The following TMEM74 variants were observed in gnomAD, a reference collection of about 807,000 sequenced individuals.
TMEM74 encodes transmembrane protein 74.
TMEM74 carries 13 observed loss-of-function variants against 18.1 expected under a neutral mutation model. The ratio of observed to expected loss-of-function variants is 0.72; its 90% CI spans 0.47 to 1.14. TMEM74 has a LOEUF of 1.14. TMEM74 is among the 50% of genes most tolerant of loss of function. TMEM74 has a pLI of 0.00. For synonymous variants in TMEM74, 159 were observed against 146.6 expected (o/e 1.08, Z -0.61); for missense variants, 372 against 375.9 (o/e 0.99, Z 0.09).
At chr8:108,609,323 T>C (rs1812310545) in intron 2 of TMEM74, among the ~76,000 whole-genome samples, 1 of 152,172 alleles carries the variant, frequency 6.6e-6, no homozygotes, top group Non-Finnish European at 1.5e-5. Flanking sequence ...TTACCTTGTT[T>C]AAGTTTAACG....
chr8:108,657,855 AAAAAATAT>A (rs1411000710), intron 1 of TMEM74, among the ~76,000 whole-genome samples: 7 of 60,126 alleles, frequency 1.2e-4, no homozygotes, highest in African/African-American at 1.6e-4. Flanking sequence ...AAAAAAAAAA[AAAAAATAT>A]ATATATATAT....
intron 1 of TMEM74, among the ~76,000 whole-genome samples, chr8:108,684,594 G>A (rs1813149134): frequency 6.6e-6 from 1 of 151,332 alleles, no homozygotes; most frequent in Non-Finnish European, 1.5e-5. Flanking sequence ...AATCCCATTT[G>A]TTTATTTTTG....
At chr8:108,644,450 T>C (rs984605207) in intron 2 of TMEM74, among the ~76,000 whole-genome samples, 6 of 152,282 alleles carry the variant, frequency 3.9e-5, no homozygotes, top group Admixed American at 3.9e-4. Flanking sequence ...GGCACAGAAC[T>C]GATGGCTAAG....
intron 1 of TMEM74, among the ~76,000 whole-genome samples, chr8:108,771,840 G>A (rs1814176520): frequency 6.6e-6 from 1 of 151,918 alleles, no homozygotes; most frequent in African/African-American, 2.4e-5. Flanking sequence ...AGGATGCTGG[G>A]AGAAAGGATA....
At chr8:108,761,869 C>G (rs570194220) in intron 1 of TMEM74, among the ~76,000 whole-genome samples, 2 of 152,206 alleles carry the variant, frequency 1.3e-5, no homozygotes, top group African/African-American at 4.8e-5. Flanking sequence ...ATTCGTCAAA[C>G]ACTGTGATTT....
intron 2 of TMEM74, among the ~76,000 whole-genome samples, chr8:108,619,406 T>C (rs1219735761): frequency 6.6e-6 from 1 of 152,158 alleles, no homozygotes; most frequent in Non-Finnish European, 1.5e-5. Context: ...AGGTGTTGCT[T>C]CGGTTGTGTG....
At chr8:108,613,987 A>G (rs1812359667) in intron 2 of TMEM74, among the ~76,000 whole-genome samples, 1 of 151,456 alleles carries the variant, frequency 6.6e-6, no homozygotes, top group Admixed American at 6.6e-5. Context: ...AACCTGACAC[A>G]TAATACTCAA....
chr8:108,623,950 G>A (rs566883070), intron 2 of TMEM74, among the ~76,000 whole-genome samples: 10 of 152,156 alleles, frequency 6.6e-5, no homozygotes, highest in African/African-American at 2.4e-4. Flanking sequence ...TTGAGAAACT[G>A]TGTCTAATCT....
intron 1 of TMEM74, among the ~76,000 whole-genome samples, chr8:108,724,021 C>T (rs998367888): frequency 6.6e-6 from 1 of 152,106 alleles, no homozygotes; most frequent in Non-Finnish European, 1.5e-5. Context: ...TGAGTTTGAG[C>T]CCCACAGTCC....
At chr8:108,703,690 T>G (rs1813361384) in intron 1 of TMEM74, among the ~76,000 whole-genome samples, 1 of 152,218 alleles carries the variant, frequency 6.6e-6, no homozygotes, top group East Asian at 1.9e-4. Context: ...ATCATTCATT[T>G]ATTGAGCACC....
chr8:108,779,389 T>A lies in TMEM74; in HGVS notation c.*4792A>T, dbSNP rs1814275369. Among the ~76,000 whole-genome samples, 1 of 152,144 alleles carries A rather than the reference T, an allele frequency of 6.6e-6. No homozygotes were observed. Among genetic ancestry groups the A allele is most frequent in the South Asian group, 2.1e-4 (1 of 4,818 alleles). On this transcript the variant is annotated 3_prime_UTR_variant, in exon 2 of 2. Coordinates refer to ENST00000297459, the MANE Select transcript of TMEM74 (RefSeq NM_153015.3). ...ATGGCAGTGAAAAAATAGGGAGAGC[T>A]GTTCCTGAAACACAGGAGAGTTACC...
At chr8:108,611,810 G>A (rs1055617174) in intron 2 of TMEM74, among the ~76,000 whole-genome samples, 2 of 152,020 alleles carry the variant, frequency 1.3e-5, no homozygotes, top group African/African-American at 4.8e-5. Context: ...TATTTTTTAA[G>A]GCACTGTATT....
At chr8:108,732,789 ATATATATG>A (rs1391321208) in intron 1 of TMEM74, among the ~76,000 whole-genome samples, 1 of 150,698 alleles carries the variant, frequency 6.6e-6, no homozygotes, top group African/African-American at 2.4e-5. Flanking sequence ...TCAAATATAT[ATATATATG>A]TATATATATG....
At chr8:108,646,353 T>G (rs1256413734) in intron 2 of TMEM74, among the ~76,000 whole-genome samples, 1 of 152,116 alleles carries the variant, frequency 6.6e-6, no homozygotes, top group Non-Finnish European at 1.5e-5. Context: ...GCTAAATGTT[T>G]TGTGCCAAGT....
intron 2 of TMEM74, among the ~76,000 whole-genome samples, chr8:108,642,088 A>T (rs1812670594): frequency 6.8e-6 from 1 of 148,114 alleles, no homozygotes; most frequent in Admixed American, 6.8e-5. Context: ...AGAAATACAA[A>T]AACAGATTTA....
At position 108,661,897 on chromosome 8, in the gene TMEM74, A is replaced by G. The variant is rs1812903677; in HGVS notation, n.120-6460T>C. On this transcript the variant is annotated intron_variant and non_coding_transcript_variant, in intron 1 of 3. Coordinates refer to the TMEM74 transcript ENST00000518838. ...AATTGCAAGAAATTCTCTATTCCTT[A>G]TAAGGAGAGTGAAAGGAAGGAAATA... Among the ~76,000 whole-genome samples the G allele has an allele frequency of 3.9e-5, 6 of 152,284 alleles. 1 individual carries two copies. The South Asian group carries it at 1.2e-3, about 32-fold the overall frequency.
At chr8:108,755,001 C>T (rs1350786411) in intron 1 of TMEM74, among the ~76,000 whole-genome samples, 1 of 152,052 alleles carries the variant, frequency 6.6e-6, no homozygotes, top group Admixed American at 6.6e-5. Context: ...TCTCAGTCCA[C>T]TGATTCAAAT....
chr8:108,666,181 GTGAT>G (rs1812947712), intron 1 of TMEM74, among the ~76,000 whole-genome samples: 1 of 152,202 alleles, frequency 6.6e-6, no homozygotes, highest in Admixed American at 6.5e-5. Flanking sequence ...AGAGAGCCTG[GTGAT>G]ATAGTCTTCC....
chr8:108,647,874 A>T (rs1040002715), intron 2 of TMEM74, among the ~76,000 whole-genome samples: 3 of 152,110 alleles, frequency 2.0e-5, no homozygotes, highest in Non-Finnish European at 4.4e-5. Flanking sequence ...AAGCACCAGG[A>T]ACACTATGGG....
Sources: allele counts gnomAD v4.1 joint callset (sites outside exome capture counted in the v4.1 genomes callset), GRCh38; gene constraint gnomAD v4.1.1; transcripts MANE v1.5; gene names NCBI Gene and HGNC (gene_info 2026-07-23, HGNC 2026-07-21).